Variants in CHMP3 observed in about 807,000 individuals in gnomAD.
CHMP3 encodes the protein 25.1 protein.
A neutral mutation model predicts 27.4 loss-of-function variants in CHMP3; 8 were observed. The ratio of observed to expected loss-of-function variants is 0.29; its 90% CI spans 0.17 to 0.53. The LOEUF is 0.53. Among genes scored for constraint, CHMP3 ranks in the 20% least tolerant of loss-of-function variants. The pLI is 0.96. For missense variants in CHMP3, 208 were observed against 271.5 expected, an observed-to-expected ratio of 0.77 and a Z score of 1.64; for synonymous variants, 86 against 85.5, an observed-to-expected ratio of 1.01 and a Z score of -0.03.
chr2:86,522,538 C>A (rs1390660907), intron 3 of CHMP3, among the ~76,000 whole-genome samples: 11 of 152,146 alleles, frequency 7.2e-5, no homozygotes, highest in African/African-American at 2.2e-4. Context: ...AGTGAAGATT[C>A]CTCTCTTAGA....
intron 3 of CHMP3, among the ~76,000 whole-genome samples, chr2:86,524,358 A>T (rs1185500842): frequency 1.3e-5 from 2 of 152,250 alleles, no homozygotes; most frequent in African/African-American, 4.8e-5. Context: ...GGTCCTCCAT[A>T]TCTGTGGGTT....
At chr2:86,538,577 C>T (rs1015807647) in intron 2 of CHMP3, among the ~76,000 whole-genome samples, 3 of 152,196 alleles carry the variant, frequency 2.0e-5, no homozygotes, top group Non-Finnish European at 2.9e-5. Context: ...TCTAAGTGGT[C>T]GAACTTCAGG....
chr2:86,549,138 C>T (rs1449138510), intron 1 of CHMP3, among the ~76,000 whole-genome samples: 2 of 148,708 alleles, frequency 1.3e-5, no homozygotes, highest in East Asian at 4.2e-4. Flanking sequence ...AGGCGCCCCT[C>T]ACGTCCCAGA....
intron 3 of CHMP3, among the ~76,000 whole-genome samples, chr2:86,516,650 A>C (rs1675319334): frequency 6.6e-6 from 1 of 152,256 alleles, no homozygotes; most frequent in African/African-American, 2.4e-5. Flanking sequence ...TAAATGGTTA[A>C]ATAAACTGGT....
intron 2 of CHMP3, chr2:86,541,184 T>C (rs1227182685): frequency 2.0e-5 from 3 of 152,096 alleles, no homozygotes; most frequent in African/African-American, 7.2e-5. Context: ...TTCAACAAAG[T>C]CTCTTTTCTG....
At position 86,505,746 on chromosome 2, in the gene CHMP3, CACAT is replaced by C; in HGVS notation, c.*54_*57del. The C allele has an allele frequency of 6.9e-7, 1 of 1,441,658 alleles. No individual in the cohort carries two copies. The highest frequency in any genetic ancestry group is 1.5e-5 in the South Asian group (1 of 67,138). 89.3% of individuals were successfully genotyped at this position (1,441,658 alleles called of 1,614,324 possible). Reference sequence around the variant, plus strand: ...CACAACAGAGGTGTAGTGCAAGAGACACATAAAATGGCAGCTCTTGAGAGGAGTG... The same window carrying C: ...CACAACAGAGGTGTAGTGCAAGAGACAAAATGGCAGCTCTTGAGAGGAGTG... On this transcript the variant is annotated 3_prime_UTR_variant, in exon 6 of 6. Transcript: ENST00000263856.
chr2:86,559,453 T>C (rs1558664975), intron 1 of CHMP3, among the ~76,000 whole-genome samples: 1 of 152,216 alleles, frequency 6.6e-6, no homozygotes, highest in Non-Finnish European at 1.5e-5. Context: ...TACCTATCTA[T>C]CCATCCATCC....
chr2:86,561,204 T>C (rs1677346138), intron 1 of CHMP3, among the ~76,000 whole-genome samples: 1 of 152,222 alleles, frequency 6.6e-6, no homozygotes, highest in Non-Finnish European at 1.5e-5. Context: ...GTATAGGCCT[T>C]AGAATACATA....
At chr2:86,548,349 TTGTGTCCC>T (rs1676699212) in intron 1 of CHMP3, among the ~76,000 whole-genome samples, 1 of 152,180 alleles carries the variant, frequency 6.6e-6, no homozygotes, top group Admixed American at 6.5e-5. Context: ...TCCGCAGTAT[TTGTGTCCC>T]TGGGTACGTG....
At chr2:86,526,030 A>G (rs577598402) in intron 3 of CHMP3, among the ~76,000 whole-genome samples, 1 of 152,362 alleles carries the variant, frequency 6.6e-6, no homozygotes, top group South Asian at 2.1e-4. Context: ...GCACCTTAAC[A>G]TTCAGAGGCC....
chr2:86,546,468 G>A (rs528948288), intron 1 of CHMP3, among the ~76,000 whole-genome samples: 18 of 146,644 alleles, frequency 1.2e-4, no homozygotes, highest in Admixed American at 2.7e-4. Flanking sequence ...ACGGACTTTC[G>A]CTCTTGTTGG....
chr2:86,536,077 G>C (rs1161691074), intron 2 of CHMP3, among the ~76,000 whole-genome samples: 1 of 134,706 alleles, frequency 7.4e-6, no homozygotes, highest in African/African-American at 2.8e-5. Context: ...CTCACTGCAA[G>C]CTCCGCCTCC....
In CHMP3 at chr2:86,504,497, GA is replaced by G. The variant is rs1287251782; in HGVS notation, c.*1306del. ...AGGAGGGTCCTCTGGACTCAAAAAT[GA>G]AATTTTTTTTTTTTTTTTTTTTTTT... On this transcript the variant is annotated 3_prime_UTR_variant, in exon 6 of 6. Coordinates refer to ENST00000263856, the MANE Select transcript of CHMP3 (RefSeq NM_016079.4). 4.6e-4 allele frequency: 60 copies of G among 131,550 alleles called. No homozygotes were observed. Among genetic ancestry groups the G allele is most frequent in the African/African-American group, 1.6e-3 (57 of 36,334 alleles). The allele number at this position is 131,550 out of a possible 1,614,324, so 8.1% of individuals were successfully genotyped here.
intron 1 of CHMP3, among the ~76,000 whole-genome samples, chr2:86,543,305 T>C (rs1159275436): frequency 6.6e-6 from 1 of 152,250 alleles, no homozygotes; most frequent in Non-Finnish European, 1.5e-5. Flanking sequence ...ATATTTATTA[T>C]GCAACAACAA....
intron 3 of CHMP3, chr2:86,511,010 A>T (rs1352977387): frequency 6.6e-6 from 1 of 152,212 alleles, no homozygotes; most frequent in Non-Finnish European, 1.5e-5. Flanking sequence ...CTAGAGAAAA[A>T]CCTTCTGTAG....
At position 86,515,237 on chromosome 2, in the gene CHMP3, T is replaced by C. The variant is rs193185784; in HGVS notation, c.287-4758A>G. On this transcript the variant is annotated intron_variant, in intron 3 of 5. Transcript: ENST00000263856. ...GGAATGCTTCAGAAGTTTGTATTTA[T>C]CCTTGTGCAGGGCCACATTAATCTT... The C allele has an allele frequency of 6.6e-5, 10 of 152,304 alleles. No individual in the cohort carries two copies. In the East Asian group the frequency reaches 1.7e-3, roughly 26 times the overall value. 9.4% of individuals were successfully genotyped at this position (152,304 alleles called of 1,614,324 possible).
chr2:86,538,948 C>A (rs1054940599), intron 2 of CHMP3, among the ~76,000 whole-genome samples: 1 of 152,084 alleles, frequency 6.6e-6, no homozygotes, highest in African/African-American at 2.4e-5. Context: ...GTAACCAGGA[C>A]CTAGATTAAG....
At chr2:86,514,027 A>G (rs1675200308) in intron 3 of CHMP3, among the ~76,000 whole-genome samples, 2 of 152,380 alleles carry the variant, frequency 1.3e-5, no homozygotes, top group South Asian at 4.1e-4. Flanking sequence ...TCACACACAT[A>G]CAAATATAAA....
intron 1 of CHMP3, among the ~76,000 whole-genome samples, chr2:86,550,253 G>A (rs569872510): frequency 3.4e-4 from 52 of 152,226 alleles, no homozygotes; most frequent in South Asian, 8.3e-4. Context: ...GCGCACGCCC[G>A]CAATCCCAGG....
Sources: allele counts gnomAD v4.1 joint callset (sites outside exome capture counted in the v4.1 genomes callset), GRCh38; gene constraint gnomAD v4.1.1; transcripts MANE v1.5; gene names NCBI Gene and HGNC (gene_info 2026-07-23, HGNC 2026-07-21).